The following RNF24 variants were observed in gnomAD, a reference collection of about 807,000 sequenced individuals.
RNF24 encodes the protein ring finger protein 24.
Under a neutral mutation model 20.0 loss-of-function variants are expected in RNF24, and 14 were observed. The ratio of observed to expected loss-of-function variants is 0.70; its 90% CI spans 0.46 to 1.10. The LOEUF (loss-of-function observed/expected upper bound fraction) is 1.10. RNF24 is among the 50% of genes least tolerant of loss of function. The probability of loss-of-function intolerance (pLI) is 0.00; values close to 1 mark genes in which losing one functional copy is unlikely to be tolerated. For missense variants in RNF24, 124 were observed against 177.6 expected, an observed-to-expected ratio of 0.70 and a Z score of 1.71; for synonymous variants, 45 against 61.1, an observed-to-expected ratio of 0.74 and a Z score of 1.23.
At chr20:3,979,724 G>C (rs1979223733) in intron 1 of RNF24, among the ~76,000 whole-genome samples, 1 of 152,214 alleles carries the variant, frequency 6.6e-6, no homozygotes, top group Middle Eastern at 3.4e-3. Flanking sequence ...TGTCTAGTAA[G>C]TAACTAAAAC....
rs970241542 is a variant in RNF24, at chr20:3,959,443, T to C, written c.143+4432A>G. On this transcript the variant is annotated intron_variant, in intron 2 of 5. Transcript: ENST00000358395. ...TCATAATAACTGTAGCCCCAAAATT[T>C]CCCTGTATTCTTCAAAATTTATTTT... Among the ~76,000 whole-genome samples the C allele has an allele frequency of 6.7e-5, 10 of 149,098 alleles. No homozygotes were observed. In the Admixed American group the frequency reaches 6.8e-4, roughly 10 times the overall value.
intron 1 of RNF24, among the ~76,000 whole-genome samples, chr20:4,000,405 A>T (rs575742788): frequency 6.6e-6 from 1 of 152,170 alleles, no homozygotes; most frequent in African/African-American, 2.4e-5. Context: ...CATGCCTGTA[A>T]TCCCAGCTAC....
At chr20:3,999,863 T>A (rs921009709) in intron 1 of RNF24, among the ~76,000 whole-genome samples, 1 of 152,142 alleles carries the variant, frequency 6.6e-6, no homozygotes, top group African/African-American at 2.4e-5. Flanking sequence ...AGAACATGGA[T>A]GAACCTTGAA....
At chr20:3,945,889 A>G (rs2091010635) in intron 3 of RNF24, among the ~76,000 whole-genome samples, 1 of 152,180 alleles carries the variant, frequency 6.6e-6, no homozygotes, top group South Asian at 2.1e-4. Context: ...AGTGAAGAAA[A>G]TAGGCAAGTA....
intron 1 of RNF24, among the ~76,000 whole-genome samples, chr20:4,012,680 A>G (rs902784470): frequency 2.0e-5 from 3 of 152,202 alleles, no homozygotes; most frequent in African/African-American, 7.2e-5. Flanking sequence ...TTTTTCTTCA[A>G]TCATCATACT....
chr20:3,987,086 A>C (rs556144402), intron 1 of RNF24, among the ~76,000 whole-genome samples: 1 of 152,212 alleles, frequency 6.6e-6, no homozygotes, highest in South Asian at 2.1e-4. Context: ...TACTTTTACA[A>C]AGAATCTGCT....
At position 3,931,734 on chromosome 20, in the gene RNF24, GAGA is replaced by G. The variant is rs911602270; in HGVS notation, c.*2326_*2328del. On this transcript the variant is annotated 3_prime_UTR_variant, in exon 6 of 6. Coordinates refer to ENST00000358395, the MANE Select transcript of RNF24 (RefSeq NM_001134337.3). Reference sequence around the variant, plus strand: ...AAACCAGTCCACATTCACATGTGCTGAGAAGGTTGTTAGTGGTCCCTCATCTGG... The same window carrying G: ...AAACCAGTCCACATTCACATGTGCTGAGGTTGTTAGTGGTCCCTCATCTGG... 1.3e-5 allele frequency: 2 copies of G among 152,282 alleles called. No homozygotes were observed. The highest frequency in any genetic ancestry group is 4.8e-5 in the African/African-American group (2 of 41,472). The allele number at this position is 152,282 out of a possible 1,614,324, so 9.4% of individuals were successfully genotyped here.
intron 1 of RNF24, among the ~76,000 whole-genome samples, chr20:4,009,597 G>C (rs6052236): frequency 4.8e-4 from 73 of 152,220 alleles, no homozygotes; most frequent in Non-Finnish European, 5.9e-4. Flanking sequence ...TGAACTATGA[G>C]GTCAGCTTAT....
intron 3 of RNF24, among the ~76,000 whole-genome samples, chr20:3,947,130 G>C (rs1050270917): frequency 4.6e-5 from 7 of 152,302 alleles, no homozygotes; most frequent in African/African-American, 1.7e-4. Flanking sequence ...GGAGGCGGAG[G>C]TTGCATTGAG....
At chr20:3,970,938 C>T (rs1461742463) in intron 1 of RNF24, among the ~76,000 whole-genome samples, 20 of 152,012 alleles carry the variant, frequency 1.3e-4, no homozygotes, top group African/African-American at 4.8e-5. Context: ...CCCAGCTACT[C>T]GGCAAGCTGA....
chr20:4,008,427 A>T lies in RNF24; in HGVS notation c.-8+7010T>A, dbSNP rs74197252. ...TATGTATAATATATATATTATATAT[A>T]ATATATAATATGTATAATATATATA... On this transcript the variant is annotated intron_variant, in intron 1 of 5. Transcript: ENST00000358395. Among the ~76,000 whole-genome samples, 23 of 15,682 alleles carry T rather than the reference A, an allele frequency of 1.5e-3. 2 individuals carry two copies. Among genetic ancestry groups the T allele is most frequent in the African/African-American group, 3.7e-3 (23 of 6,192 alleles). 10.3% of individuals were successfully genotyped at this position (15,682 alleles called of 152,430 possible).
chr20:3,945,457 G>A (rs2091005022), intron 3 of RNF24, among the ~76,000 whole-genome samples: 1 of 152,162 alleles, frequency 6.6e-6, no homozygotes, highest in African/African-American at 2.4e-5. Context: ...GCTCACACCT[G>A]TAATCCCAGC....
chr20:3,989,256 CCGAGGCAGG>C (rs1174483451), intron 1 of RNF24, among the ~76,000 whole-genome samples: 1 of 152,094 alleles, frequency 6.6e-6, no homozygotes, highest in African/African-American at 2.4e-5. Context: ...CTTTAGGAGG[CCGAGGCAGG>C]CGGATCACGA....
intron 1 of RNF24, among the ~76,000 whole-genome samples, chr20:3,999,921 A>T (rs1004097649): frequency 4.6e-5 from 7 of 152,240 alleles, no homozygotes; most frequent in Admixed American, 6.5e-5. Context: ...TACATTTTTA[A>T]AATCCTATTT....
At chr20:3,958,407 G>T (rs1001180869) in intron 2 of RNF24, among the ~76,000 whole-genome samples, 2 of 152,148 alleles carry the variant, frequency 1.3e-5, no homozygotes, top group African/African-American at 4.8e-5. Flanking sequence ...CAAAGACAGA[G>T]TTATATTCCT....
chr20:3,953,277 G>C (rs528347720), intron 2 of RNF24, among the ~76,000 whole-genome samples: 5 of 148,458 alleles, frequency 3.4e-5, no homozygotes, highest in Non-Finnish European at 6.0e-5. Context: ...TCAGCCTCCC[G>C]AGTAGCTGGG....
intron 1 of RNF24, among the ~76,000 whole-genome samples, chr20:4,010,986 G>A (rs1982416936): frequency 6.6e-6 from 1 of 152,170 alleles, no homozygotes; most frequent in East Asian, 1.9e-4. Context: ...TGGGTGAGAT[G>A]GGGGGAGTAT....
rs571455133 is a variant in RNF24, at chr20:3,981,743, A to T, written c.-7-17719T>A. Among the ~76,000 whole-genome samples, 4 of 152,186 alleles carry T rather than the reference A, an allele frequency of 2.6e-5. No homozygotes were observed. The East Asian group carries it at 5.8e-4, about 22-fold the overall frequency. ...CCACTAATTCATATATGCTAGGGCA[A>T]TATTTTCAACACTACTCTTCCTCTT... On this transcript the variant is annotated intron_variant, in intron 1 of 5. Transcript: ENST00000358395.
intron 4 of RNF24, among the ~76,000 whole-genome samples, chr20:3,937,906 A>G (rs241617): frequency 0.49 from 74,993 of 152,026 alleles, 19,628 homozygotes; most frequent in African/African-American, 0.68. Flanking sequence ...TGTGGACAAT[A>G]CTGCTATAAA....
Sources: allele counts gnomAD v4.1 joint callset (sites outside exome capture counted in the v4.1 genomes callset), GRCh38; gene constraint gnomAD v4.1.1; transcripts MANE v1.5; gene names NCBI Gene and HGNC (gene_info 2026-07-23, HGNC 2026-07-21).